ANK3: variants seen among roughly 807,000 people sequenced by gnomAD.
ANK3 encodes ankyrin 3.
A neutral mutation model predicts 370.9 loss-of-function variants in ANK3; 57 were observed. The ratio of observed to expected loss-of-function variants is 0.15; its 90% CI spans 0.12 to 0.19. ANK3 has a LOEUF of 0.19. Ranked by LOEUF, ANK3 falls within the 10% of genes least tolerant of loss-of-function variation. The pLI is 1.00. For missense variants in ANK3, 4,439 were observed against 5,302.1 expected (o/e 0.84, Z 5.06); for synonymous variants, 1,929 against 1,946.3 (o/e 0.99, Z 0.23).
At chr10:60,684,820 G>A (rs747316976) in intron 1 of ANK3, 349 of 1,529,144 alleles carry the variant, frequency 2.3e-4, no homozygotes, top group Non-Finnish European at 2.9e-4. Flanking sequence ...TGTTGATATC[G>A]AAAGGATGGA....
At position 60,027,840 on chromosome 10, in the gene ANK3, T is replaced by C. The variant is rs542857204; in HGVS notation, c.*2006A>G. 2.0e-5 allele frequency: 3 copies of C among 152,256 alleles called. No homozygotes were observed. The highest frequency in any genetic ancestry group is 1.9e-4 in the East Asian group (1 of 5,176). 9.4% of individuals were successfully genotyped at this position (152,256 alleles called of 1,614,324 possible). ...AATTCACAGTCAGGTTGTACAAATATAAGAAATGAGGCTGTGGCAGTGATA... is the reference window on the plus strand; with the variant it reads ...AATTCACAGTCAGGTTGTACAAATACAAGAAATGAGGCTGTGGCAGTGATA... On this transcript the variant is annotated 3_prime_UTR_variant, in exon 44 of 44. Transcript: ENST00000280772.
intron 1 of ANK3, among the ~76,000 whole-genome samples, chr10:60,292,477 A>G (rs1363744457): frequency 6.6e-6 from 1 of 152,104 alleles, no homozygotes. Flanking sequence ...AATATAAGGA[A>G]GATTTAGTCC....
At chr10:60,690,783 A>C (rs1317362832) in intron 1 of ANK3, among the ~76,000 whole-genome samples, 3 of 152,190 alleles carry the variant, frequency 2.0e-5, no homozygotes, top group Non-Finnish European at 4.4e-5. Flanking sequence ...AGAGCTACGC[A>C]CTCAGAAGTC....
chr10:60,256,023 C>T lies in ANK3; in HGVS notation c.798+5836G>A, dbSNP rs368994008. 9.2e-5 allele frequency among the ~76,000 whole-genome samples: 14 copies of T among 152,258 alleles called. No individual in the cohort carries two copies. In the South Asian group the frequency reaches 1.5e-3, roughly 16 times the overall value. ...CGGGGGCTCAGAAGGGGTCACCAGA[C>T]GAACTCCAAGGAAGGGGGCACAGCC... is the stretch of plus-strand genomic sequence containing the variant. On this transcript the variant is annotated intron_variant, in intron 7 of 43. Coordinates refer to ENST00000280772, the MANE Select transcript of ANK3 (RefSeq NM_020987.5).
rs1365666538 is a variant in ANK3 at position 60,076,356 on chromosome 10, C to T, written c.4525G>A (p.Ala1509Thr). ...GCTGGCCCAGGCACTGTAATCGGAGCTGTTGTCCAGGACTGGTATGGTCTT... is the reference window on the plus strand; with the variant it reads ...GCTGGCCCAGGCACTGTAATCGGAGTTGTTGTCCAGGACTGGTATGGTCTT... Reference protein sequence around the residue: ...STRPYQSWTTAPITVPGPAKS... With the variant: ...STRPYQSWTTTPITVPGPAKS... Residue 1509 changes from alanine to threonine, a missense_variant, in exon 37 of 44, where the codon GCT becomes ACT. Physicochemically the swap from Ala to Thr is moderately conservative, Grantham distance 58. This residue lies in a region of ANK3 where 679 missense variants were observed against 791.0 expected (regional missense o/e 0.86). Coordinates refer to ENST00000280772, the MANE Select transcript of ANK3 (RefSeq NM_020987.5). The T allele has an allele frequency of 9.3e-6, 15 of 1,614,022 alleles. No homozygotes were observed. Among genetic ancestry groups the T allele is most frequent in the Non-Finnish European group, 1.3e-5 (15 of 1,179,968 alleles).
intron 1 of ANK3, among the ~76,000 whole-genome samples, chr10:60,337,818 C>T (rs10994306): frequency 0.38 from 57,924 of 152,122 alleles, 11,912 homozygotes; most frequent in Middle Eastern, 0.51. Flanking sequence ...ACTCACACAT[C>T]CTGGTGAGTG....
chr10:60,411,502 T>C (rs926202734), intron 2 of ANK3, among the ~76,000 whole-genome samples: 1 of 152,096 alleles, frequency 6.6e-6, no homozygotes. Context: ...GAAGGGAGCA[T>C]GTGGCAGGCA....
chr10:60,507,190 TG>T (rs1371421276), intron 2 of ANK3, among the ~76,000 whole-genome samples: 2 of 152,026 alleles, frequency 1.3e-5, no homozygotes, highest in Non-Finnish European at 2.9e-5. Context: ...AAGAAAGAAA[TG>T]GTTGTTTAAA....
chr10:60,086,458 A>C (rs573090001), intron 30 of ANK3: 1 of 434,790 alleles, frequency 2.3e-6, no homozygotes, highest in Non-Finnish European at 4.0e-6. Context: ...CTAAATTTTA[A>C]ATGAGTCATG....
intron 1 of ANK3, among the ~76,000 whole-genome samples, chr10:60,658,972 G>A (rs2078902711): frequency 6.6e-6 from 1 of 150,798 alleles, no homozygotes; most frequent in South Asian, 2.1e-4. Context: ...GAGAGGAAGG[G>A]GAAGGGACGG....
At chr10:60,522,953 T>C (rs75515240) in intron 2 of ANK3, among the ~76,000 whole-genome samples, 3,636 of 152,158 alleles carry the variant, frequency 0.024, 164 homozygotes, top group African/African-American at 0.084. Flanking sequence ...GTGGTGTCAA[T>C]TGAATCTTCA....
chr10:60,562,088 C>A (rs1217888501), intron 2 of ANK3, among the ~76,000 whole-genome samples: 1 of 152,074 alleles, frequency 6.6e-6, no homozygotes, highest in Non-Finnish European at 1.5e-5. Context: ...TAAAACAGAC[C>A]TATTAAATAG....
intron 1 of ANK3, among the ~76,000 whole-genome samples, chr10:60,667,206 T>C (rs2079008802): frequency 1.8e-5 from 2 of 113,508 alleles, no homozygotes; most frequent in South Asian, 5.5e-4. Context: ...TATTATATTA[T>C]ATTATATTAT....
chr10:60,594,242 T>C (rs2077956800), intron 2 of ANK3, among the ~76,000 whole-genome samples: 1 of 152,156 alleles, frequency 6.6e-6, no homozygotes, highest in Non-Finnish European at 1.5e-5. Context: ...ATCCTCTCAA[T>C]GTTTCTTTGT....
intron 1 of ANK3, among the ~76,000 whole-genome samples, chr10:60,301,869 T>A (rs1008475005): frequency 4.6e-5 from 7 of 152,240 alleles, no homozygotes; most frequent in African/African-American, 1.2e-4. Context: ...CCCATCATTA[T>A]AACAACCTTC....
At chr10:60,369,756 A>G (rs1448524172) in intron 1 of ANK3, among the ~76,000 whole-genome samples, 1 of 152,198 alleles carries the variant, frequency 6.6e-6, no homozygotes, top group African/African-American at 2.4e-5. Context: ...ATGTTTGTCT[A>G]CTTCGACTCT....
chr10:60,366,643 G>A (rs1304205309), intron 1 of ANK3, among the ~76,000 whole-genome samples: 1 of 152,052 alleles, frequency 6.6e-6, no homozygotes, highest in Non-Finnish European at 1.5e-5. Context: ...TGGGGAGGAA[G>A]GGAAGGAGGA....
chr10:60,336,032 G>A (rs1369744164), intron 1 of ANK3, among the ~76,000 whole-genome samples: 1 of 152,022 alleles, frequency 6.6e-6, no homozygotes, highest in African/African-American at 2.4e-5. Flanking sequence ...ATATTCTTCG[G>A]ATGCGGAAGT....
chr10:60,686,930 ATG>A (rs1055200859), intron 1 of ANK3, among the ~76,000 whole-genome samples: 4 of 152,208 alleles, frequency 2.6e-5, no homozygotes, highest in Non-Finnish European at 4.4e-5. Flanking sequence ...AAATATGATC[ATG>A]GTCCCACAAG....
Sources: allele counts gnomAD v4.1 joint callset (sites outside exome capture counted in the v4.1 genomes callset), GRCh38; gene constraint gnomAD v4.1.1; regional missense constraint gnomAD v4.1.1; transcripts MANE v1.5; gene names NCBI Gene and HGNC (gene_info 2026-07-23, HGNC 2026-07-21).